The following CPSF2 variants were observed in gnomAD, a reference collection of about 807,000 sequenced individuals.
CPSF2 encodes the protein cleavage and polyadenylation specific factor 2, also known as cleavage and polyadenylation specificity factor subunit 2.
CPSF2 carries 51 observed loss-of-function variants against 84.2 expected under a neutral mutation model. The ratio of observed to expected loss-of-function variants is 0.61; its 90% CI spans 0.48 to 0.77. The LOEUF is 0.77. CPSF2 is among the 30% of genes least tolerant of loss of function. CPSF2 has a pLI of 0.00. For missense variants in CPSF2, 641 were observed against 929.4 expected (o/e 0.69, Z 4.03); for synonymous variants, 286 against 311.9 (o/e 0.92, Z 0.87).
At position 92,166,997 on chromosome 14, in the gene CPSF2, A is replaced by C. The variant is rs909943227; in HGVS notation, c.*5253A>C. On this transcript the variant is annotated 3_prime_UTR_variant, in exon 16 of 16. Transcript: ENST00000298875. ...TTTCATGTGAGTTTAGATTCTGCTT[A>C]TCGATTTCTTTTTTTTCTTTTTTTT... 2.1e-5 allele frequency: 3 copies of C among 143,788 alleles called. No homozygotes were observed. Among genetic ancestry groups the C allele is most frequent in the Non-Finnish European group, 4.5e-5 (3 of 66,726 alleles). The allele number at this position is 143,788 out of a possible 1,614,324, so 8.9% of individuals were successfully genotyped here.
Position 92,155,325 on chromosome 14 carries a change from T to G in CPSF2, c.1442+2T>G. On this transcript the variant is annotated splice_donor_variant, in intron 11 of 15. Transcript: ENST00000298875. LOFTEE classifies it high-confidence loss of function. ...GGATGAATATGGAGAGATTATCAAG[T>G]ATGTGAGCAAAACAAACTTTTCTCT... The G allele has an allele frequency of 1.9e-6, 3 of 1,611,184 alleles. No homozygotes were observed. The highest frequency in any genetic ancestry group is 2.5e-6 in the Non-Finnish European group (3 of 1,177,436).
chr14:92,157,516 A>C lies in CPSF2; in HGVS notation c.1596-143A>C. 1 of 651,608 alleles carries C rather than the reference A, an allele frequency of 1.5e-6. No individual in the cohort carries two copies. Among genetic ancestry groups the C allele is most frequent in the South Asian group, 2.2e-5 (1 of 44,870 alleles). 40.4% of individuals were successfully genotyped at this position (651,608 alleles called of 1,614,324 possible). On this transcript the variant is annotated intron_variant, in intron 12 of 15. Coordinates refer to ENST00000298875, the MANE Select transcript of CPSF2 (RefSeq NM_017437.3). This position sits in a 1 kb window ranked among gnomAD's most constrained non-coding sequence, Gnocchi z 4.0. ...AGCGAGACCCAATCTCAGAAAAATA[A>C]AAACAAAAATAAAATAAATCATACA... is the stretch of plus-strand genomic sequence containing the variant.
At chr14:92,150,402 G>A (rs1595062646) in intron 9 of CPSF2, among the ~76,000 whole-genome samples, 1 of 151,460 alleles carries the variant, frequency 6.6e-6, no homozygotes, top group South Asian at 2.1e-4. Context: ...GATTACAGGC[G>A]CGAGTCACCG....
intron 9 of CPSF2, among the ~76,000 whole-genome samples, chr14:92,152,044 A>G (rs1013103165): frequency 4.0e-5 from 6 of 150,308 alleles, no homozygotes; most frequent in Admixed American, 6.6e-5. Flanking sequence ...TCTTCCCACT[A>G]TCTTTTTTTT....
intron 6 of CPSF2, among the ~76,000 whole-genome samples, chr14:92,137,520 T>G (rs1319964388): frequency 6.6e-6 from 1 of 152,216 alleles, no homozygotes; most frequent in African/African-American, 2.4e-5. Flanking sequence ...AAATTATTTT[T>G]AAATGGTGAT....
intron 2 of CPSF2, among the ~76,000 whole-genome samples, chr14:92,127,437 C>T (rs551356465): frequency 6.8e-4 from 103 of 152,284 alleles, no homozygotes; most frequent in African/African-American, 2.4e-3. Context: ...TTATAAAGGT[C>T]ATTGATAAAC....
rs2141461914 is a variant in CPSF2 at position 92,139,239 on chromosome 14, A to T, written c.661+892A>T. ...GAGACCATCCTGGCTAACACGGTGA[A>T]ACCCCGTCTCTACTAAATATACAAA... On this transcript the variant is annotated intron_variant, in intron 7 of 15. Transcript: ENST00000298875. Among the ~76,000 whole-genome samples, 5 of 152,094 alleles carry T rather than the reference A, an allele frequency of 3.3e-5. No individual in the cohort carries two copies. In the South Asian group the frequency reaches 1.0e-3, roughly 32 times the overall value.
At position 92,138,326 on chromosome 14, in the gene CPSF2, C is replaced by T. The variant is rs2069027093; in HGVS notation, c.640C>T (p.Gln214Ter). The T allele has an allele frequency of 2.5e-6, 4 of 1,576,856 alleles. No homozygotes were observed. Among genetic ancestry groups the T allele is most frequent in the Non-Finnish European group, 3.4e-6 (4 of 1,160,788 alleles). ...TACATATGTACAGCCTAGAAGAAAACAGAGAGATGAGCAGCTTCTGAGTAC... is the reference window on the plus strand; with the variant it reads ...TACATATGTACAGCCTAGAAGAAAATAGAGAGATGAGCAGCTTCTGAGTAC... ...NATYVQPRRK[Q>*]RDEQLLTNVL... The change falls in exon 7 of 16, where the codon CAG becomes TAG. Residue 214 changes from glutamine to a stop codon, truncating the protein, a stop_gained. Transcript: ENST00000298875. LOFTEE classifies it high-confidence loss of function.
intron 14 of CPSF2, 41 bp downstream of exon 14, chr14:92,159,323 G>C: frequency 2.0e-6 from 3 of 1,495,178 alleles, no homozygotes; most frequent in Non-Finnish European, 2.7e-6. Context: ...TCCTGAATTT[G>C]TCATCCTTCT....
Position 92,143,071 on chromosome 14 carries a change from G to T in CPSF2, c.917G>T (p.Arg306Leu), listed in dbSNP as rs892281737. The T allele has an allele frequency of 6.2e-7, 1 of 1,613,776 alleles. No individual in the cohort carries two copies. The highest frequency in any genetic ancestry group is 1.1e-5 in the South Asian group (1 of 91,050). The part of the protein sequence containing the change: ...EDKRNNPFQF[R>L]HLSLCHGLSD... ...AAAAGAAATAATCCGTTTCAGTTTC[G>T]CCATCTCTCTTTATGTCATGGTCTT... is the stretch of plus-strand genomic sequence containing the variant. Residue 306 changes from arginine (R) to leucine (L), a missense_variant, in exon 9 of 16, where the codon CGC (arginine) becomes CTC (leucine). Arg to Leu is a moderately radical substitution (Grantham distance 102). Coordinates refer to ENST00000298875, the MANE Select transcript of CPSF2 (RefSeq NM_017437.3).
Position 92,164,431 on chromosome 14 carries a change from T to C in CPSF2, c.*2687T>C, listed in dbSNP as rs2069417155. The C allele has an allele frequency of 6.6e-6, 1 of 152,210 alleles. No individual in the cohort carries two copies. Among genetic ancestry groups the C allele is most frequent in the Non-Finnish European group, 1.5e-5 (1 of 68,044 alleles). 9.4% of individuals were successfully genotyped at this position (152,210 alleles called of 1,614,324 possible). A position where few individuals can be genotyped will look rare whatever the true frequency, so the allele number is the denominator to read the frequency against. Reference sequence around the variant, plus strand: ...AATGAAGACTTTGTTTTAGCTTCAATTACTTCAGAAAATATAAATTTTAAA... The same window carrying C: ...AATGAAGACTTTGTTTTAGCTTCAACTACTTCAGAAAATATAAATTTTAAA... On this transcript the variant is annotated 3_prime_UTR_variant, in exon 16 of 16. Coordinates refer to ENST00000298875, the MANE Select transcript of CPSF2 (RefSeq NM_017437.3).
intron 9 of CPSF2, among the ~76,000 whole-genome samples, chr14:92,147,745 G>T (rs1025606368): frequency 1.3e-5 from 2 of 152,078 alleles, no homozygotes; most frequent in Non-Finnish European, 2.9e-5. Context: ...TTGAGACAGG[G>T]TCATGTCATT....
rs1054626456 is a variant in CPSF2, at chr14:92,165,685, A to G, written c.*3941A>G. 2.6e-5 allele frequency: 4 copies of G among 151,702 alleles called. No homozygotes were observed. Among genetic ancestry groups the G allele is most frequent in the Non-Finnish European group, 5.9e-5 (4 of 67,942 alleles). 9.4% of individuals were successfully genotyped at this position (151,702 alleles called of 1,614,324 possible). On this transcript the variant is annotated 3_prime_UTR_variant, in exon 16 of 16. Coordinates refer to ENST00000298875, the MANE Select transcript of CPSF2 (RefSeq NM_017437.3). ...TGTTGAGATGTAAGAGTTTTTTTAT[A>G]TATTTTCTGGATACTAAACCATTAT...
intron 7 of CPSF2, among the ~76,000 whole-genome samples, chr14:92,140,045 C>G (rs918188214): frequency 6.8e-6 from 1 of 146,270 alleles, no homozygotes; most frequent in African/African-American, 2.6e-5. Context: ...CCTCTGCCTC[C>G]CGGGTTCAAG....
chr14:92,133,065 G>A (rs187420391), intron 3 of CPSF2, among the ~76,000 whole-genome samples: 341 of 152,054 alleles, frequency 2.2e-3, no homozygotes, highest in Admixed American at 4.1e-3. Context: ...ACTCCAGCCT[G>A]GGCAACAGAG....
At chr14:92,152,247 A>C (rs1333873769) in intron 9 of CPSF2, among the ~76,000 whole-genome samples, 3 of 151,900 alleles carry the variant, frequency 2.0e-5, no homozygotes, top group Non-Finnish European at 4.4e-5. Context: ...CTCCTGCCTC[A>C]GCCTCCCTAG....
chr14:92,143,034 T>A lies in CPSF2; in HGVS notation c.880T>A (p.Cys294Ser). 6.2e-7 allele frequency: 1 copy of A among 1,613,414 alleles called. No individual in the cohort carries two copies. The highest frequency in any genetic ancestry group is 8.5e-7 in the Non-Finnish European group (1 of 1,179,470). Residue 294 changes from cysteine to serine, a missense_variant, in exon 9 of 16, where the codon TGT becomes AGT. Transcript: ENST00000298875. ...ATGGATGAGTGATAAATTGATGAGATGTTTTGAAGACAAAAGAAATAATCC... is the reference window on the plus strand; with the variant it reads ...ATGGATGAGTGATAAATTGATGAGAAGTTTTGAAGACAAAAGAAATAATCC... The part of the protein sequence containing the change: ...VEWMSDKLMR[C>S]FEDKRNNPFQ...
Position 92,169,065 on chromosome 14 carries a change from C to G in CPSF2, c.*7321C>G, listed in dbSNP as rs900556890. ...ATATCCAATGTATCATAGGTGTTTT[C>G]TTTTTTCTCTGACAATTGTTATGTT... On this transcript the variant is annotated 3_prime_UTR_variant, in exon 16 of 16. Coordinates refer to ENST00000298875, the MANE Select transcript of CPSF2 (RefSeq NM_017437.3). The G allele has an allele frequency of 6.6e-6, 1 of 151,442 alleles. No individual in the cohort carries two copies. The highest frequency in any genetic ancestry group is 2.4e-5 in the African/African-American group (1 of 41,308). 9.4% of individuals were successfully genotyped at this position (151,442 alleles called of 1,614,324 possible).
Position 92,134,240 on chromosome 14 carries a change from ATTC to A in CPSF2, c.310-7_310-5del. The A allele has an allele frequency of 6.2e-7, 1 of 1,611,454 alleles. No individual in the cohort carries two copies. The highest frequency in any genetic ancestry group is 8.5e-7 in the Non-Finnish European group (1 of 1,177,748). On this transcript the variant is annotated splice_polypyrimidine_tract_variant and splice_region_variant and intron_variant, in intron 4 of 15. Coordinates refer to ENST00000298875, the MANE Select transcript of CPSF2 (RefSeq NM_017437.3). ...ATTGTTTTTCACCTTTATTTGTGTTATTCTTTTAGTCTCGACACAATACAGAAG... is the reference window on the plus strand; with the variant it reads ...ATTGTTTTTCACCTTTATTTGTGTTATTTTAGTCTCGACACAATACAGAAG...
Sources: allele counts gnomAD v4.1 joint callset (sites outside exome capture counted in the v4.1 genomes callset), GRCh38; gene constraint gnomAD v4.1.1; non-coding constraint Gnocchi (gnomAD v3.1); transcripts MANE v1.5; gene names NCBI Gene and HGNC (gene_info 2026-07-23, HGNC 2026-07-21).